NPAS3: variants seen among roughly 807,000 people sequenced by gnomAD.
The protein encoded by NPAS3 is neuronal PAS domain-containing protein 3.
A neutral mutation model predicts 73.1 loss-of-function variants in NPAS3; 14 were observed. That is an observed-to-expected ratio of 0.19 (90% CI 0.13 to 0.30). The LOEUF (loss-of-function observed/expected upper bound fraction) is 0.30, where lower values mean the gene tolerates loss of function less well. NPAS3 is among the 10% of genes least tolerant of loss of function. The probability of loss-of-function intolerance (pLI) is 1.00; values close to 1 mark genes in which losing one functional copy is unlikely to be tolerated. For synonymous variants in NPAS3, 620 were observed against 541.5 expected, an observed-to-expected ratio of 1.14 and a Z score of -2.01; for missense variants, 1,096 against 1,250.0, an observed-to-expected ratio of 0.88 and a Z score of 1.86.
chr14:33,618,275 A>G (rs141306999), intron 5 of NPAS3, among the ~76,000 whole-genome samples: 2 of 152,066 alleles, frequency 1.3e-5, no homozygotes, highest in African/African-American at 4.8e-5. Flanking sequence ...TTCTATTATT[A>G]TTATATTGTA....
chr14:33,278,795 C>T (rs550823531), intron 3 of NPAS3, among the ~76,000 whole-genome samples: 1 of 152,278 alleles, frequency 6.6e-6, no homozygotes, highest in South Asian at 2.1e-4. Flanking sequence ...TATCATACCA[C>T]ATTTTGAAGT....
At chr14:33,761,610 G>A (rs2062293507) in intron 7 of NPAS3, among the ~76,000 whole-genome samples, 1 of 152,112 alleles carries the variant, frequency 6.6e-6, no homozygotes, top group Admixed American at 6.5e-5. Flanking sequence ...TCAGTTTCAG[G>A]GTAAAGTCAG....
intron 1 of NPAS3, among the ~76,000 whole-genome samples, chr14:32,959,173 A>G (rs936748039): frequency 2.0e-5 from 3 of 152,164 alleles, no homozygotes; most frequent in Non-Finnish European, 4.4e-5. Flanking sequence ...TGGTTTTTAG[A>G]CACACTATTT....
intron 3 of NPAS3, among the ~76,000 whole-genome samples, chr14:33,314,517 C>CGGT (rs1385340420): frequency 2.0e-5 from 3 of 151,834 alleles, no homozygotes; most frequent in Non-Finnish European, 2.9e-5. Flanking sequence ...GATCAATACA[C>CGGT]GGTGGTGGTG....
At chr14:33,314,348 C>A (rs1196440098) in intron 3 of NPAS3, among the ~76,000 whole-genome samples, 1 of 151,892 alleles carries the variant, frequency 6.6e-6, no homozygotes, top group East Asian at 1.9e-4. Context: ...AAAACACTAG[C>A]TTTCATAGGA....
At chr14:33,463,173 A>G (rs1260561815) in intron 4 of NPAS3, among the ~76,000 whole-genome samples, 1 of 152,214 alleles carries the variant, frequency 6.6e-6, no homozygotes, top group Non-Finnish European at 1.5e-5. Flanking sequence ...CTATTAGTGT[A>G]TGAGCATTAC....
At chr14:33,620,199 T>C (rs1216081844) in intron 5 of NPAS3, among the ~76,000 whole-genome samples, 2 of 152,154 alleles carry the variant, frequency 1.3e-5, no homozygotes, top group African/African-American at 4.8e-5. Flanking sequence ...CATAACTAAT[T>C]TAGTATGTTG....
At chr14:33,368,566 T>C (rs1211359202) in intron 4 of NPAS3, among the ~76,000 whole-genome samples, 2 of 152,228 alleles carry the variant, frequency 1.3e-5, no homozygotes, top group Non-Finnish European at 2.9e-5. Flanking sequence ...TTTAAAGCCC[T>C]GAGAAGTCTT....
chr14:33,243,985 G>A (rs775307613), intron 3 of NPAS3, among the ~76,000 whole-genome samples: 1 of 152,096 alleles, frequency 6.6e-6, no homozygotes, highest in African/African-American at 2.4e-5. Context: ...AAAATAATGT[G>A]AAAGCTTCTT....
chr14:33,317,664 A>G (rs1050653656), intron 3 of NPAS3, among the ~76,000 whole-genome samples: 2 of 151,974 alleles, frequency 1.3e-5, no homozygotes, highest in African/African-American at 4.8e-5. Flanking sequence ...CCTTCCTGCC[A>G]CTGTGTGAAG....
intron 9 of NPAS3, among the ~76,000 whole-genome samples, chr14:33,785,899 T>G (rs2063156440): frequency 6.6e-6 from 1 of 152,204 alleles, no homozygotes; most frequent in South Asian, 2.1e-4. Flanking sequence ...CCATCATCAG[T>G]TCCTCATAGG....
intron 4 of NPAS3, among the ~76,000 whole-genome samples, chr14:33,506,485 T>C (rs926120701): frequency 6.6e-6 from 1 of 152,082 alleles, no homozygotes; most frequent in African/African-American, 2.4e-5. Context: ...TTTTCATTTT[T>C]TGTTTGTTTT....
intron 3 of NPAS3, among the ~76,000 whole-genome samples, chr14:33,317,861 C>A (rs35226928): frequency 0.019 from 2,945 of 152,086 alleles, 28 homozygotes; most frequent in Non-Finnish European, 0.03. Context: ...GTAATATGAA[C>A]CTTAACAAAT....
In NPAS3 at chr14:33,534,217, TAAA is replaced by T. The variant is rs5807733; in HGVS notation, c.469-25888_469-25886del. 3.5e-3 allele frequency among the ~76,000 whole-genome samples: 480 copies of T among 138,370 alleles called. 3 individuals are homozygous for T. The highest frequency in any genetic ancestry group is 0.011 in the African/African-American group (416 of 37,898). 90.8% of individuals were successfully genotyped at this position (138,370 alleles called of 152,430 possible). A position where few individuals can be genotyped will look rare whatever the true frequency, so the allele number is the denominator to read the frequency against. ...TGGTACTTACTATTTCACAGAGCAG[TAAA>T]AAAAAAAAAAAAAAACTCCTTATGT... is the stretch of plus-strand genomic sequence containing the variant. On this transcript the variant is annotated intron_variant, in intron 4 of 11. Coordinates refer to ENST00000356141, the Ensembl canonical transcript of NPAS3.
intron 2 of NPAS3, among the ~76,000 whole-genome samples, chr14:33,197,713 T>C (rs1170530966): frequency 6.6e-6 from 1 of 152,204 alleles, no homozygotes; most frequent in African/African-American, 2.4e-5. Flanking sequence ...CCTTATTCAG[T>C]CATTCCAAAT....
rs201969640 is a variant in NPAS3, at chr14:33,248,451, ACTT to A, written c.385+33031_385+33033del. Among the ~76,000 whole-genome samples, 1,121 of 152,280 alleles carry A rather than the reference ACTT, an allele frequency of 7.4e-3. 11 individuals are homozygous for A. The highest frequency in any genetic ancestry group is 7.8e-3 in the Non-Finnish European group (531 of 67,996). ...TTCACTTGAAATACACAAGTTTTTC[ACTT>A]CTTCTAATTCCCCATTCAGTATTTT... On this transcript the variant is annotated intron_variant, in intron 3 of 11. Coordinates refer to ENST00000356141, the Ensembl canonical transcript of NPAS3.
Position 33,091,822 on chromosome 14 carries a change from C to G in NPAS3, c.140+35828C>G, listed in dbSNP as rs1011405377. Among the ~76,000 whole-genome samples, 6 of 152,014 alleles carry G rather than the reference C, an allele frequency of 3.9e-5. No homozygotes were observed. The East Asian group carries it at 1.2e-3, about 29-fold the overall frequency. On this transcript the variant is annotated intron_variant, in intron 2 of 11. Transcript: ENST00000356141. Reference sequence around the variant, plus strand: ...GGATTCAAGGCTGGTTCAACATACGCAAATCAATAAATGTAATCCAGCATA... The same window carrying G: ...GGATTCAAGGCTGGTTCAACATACGGAAATCAATAAATGTAATCCAGCATA...
At chr14:33,699,086 C>A (rs1403962377) in intron 6 of NPAS3, among the ~76,000 whole-genome samples, 2 of 152,168 alleles carry the variant, frequency 1.3e-5, no homozygotes, top group African/African-American at 4.8e-5. Flanking sequence ...CCTAGGAAAT[C>A]TCAGGTGAGA....
rs945204501 is a variant in NPAS3, at chr14:33,299,596, C to T, written c.386-67590C>T. ...TATCTGAAATCCTAGAAGCTAGTTT[C>T]TTTTTTTTGTGTGCTTAAGTCTGAG... On this transcript the variant is annotated intron_variant, in intron 3 of 11. Coordinates refer to ENST00000356141, the Ensembl canonical transcript of NPAS3. Among the ~76,000 whole-genome samples the T allele has an allele frequency of 1.2e-4, 5 of 42,338 alleles. No individual in the cohort carries two copies. In the South Asian group the frequency reaches 2.1e-3, roughly 18 times the overall value. The allele number at this position is 42,338 out of a possible 152,430, so 27.8% of individuals were successfully genotyped here.
Sources: gnomAD v4.1 joint callset for allele counts (sites outside exome capture counted in the v4.1 genomes callset) on GRCh38, gnomAD v4.1.1 for gene constraint, MANE v1.5 for transcripts, NCBI Gene and HGNC (gene_info 2026-07-23, HGNC 2026-07-21) for gene names.